The following FGGY variants were observed in gnomAD, a reference collection of about 807,000 sequenced individuals.
FGGY encodes the protein FGGY carbohydrate kinase domain-containing protein.
A neutral mutation model predicts 71.3 loss-of-function variants in FGGY; 72 were observed. The observed-to-expected ratio is 1.01, with a 90% confidence interval of 0.84 to 1.23. The LOEUF (loss-of-function observed/expected upper bound fraction) is 1.23, where lower values mean the gene tolerates loss of function less well. FGGY is among the 50% of genes most tolerant of loss of function. The pLI, the probability that FGGY is intolerant of heterozygous loss-of-function variation, is 0.00. For missense variants in FGGY, 668 were observed against 682.3 expected, an observed-to-expected ratio of 0.98 and a Z score of 0.23; for synonymous variants, 251 against 250.3, an observed-to-expected ratio of 1.00 and a Z score of -0.02.
chr1:59,759,526 T>C (rs1312812517), intron 15 of FGGY, among the ~76,000 whole-genome samples: 1 of 152,216 alleles, frequency 6.6e-6, no homozygotes, highest in Non-Finnish European at 1.5e-5. Flanking sequence ...GGGAAGTTTT[T>C]AAGTTTTTTC....
intron 1 of FGGY, among the ~76,000 whole-genome samples, chr1:59,303,273 C>T (rs564903448): frequency 3.7e-4 from 56 of 152,234 alleles, no homozygotes; most frequent in African/African-American, 1.3e-3. Flanking sequence ...TCCCCATTTC[C>T]TCAATCCCTG....
chr1:59,708,447 C>G (rs1027945295), intron 14 of FGGY, among the ~76,000 whole-genome samples: 2 of 152,142 alleles, frequency 1.3e-5, no homozygotes, highest in Non-Finnish European at 2.9e-5. Context: ...GGCTCGGCCC[C>G]TATTAAGTGG....
At chr1:59,705,915 A>G (rs944730200) in intron 14 of FGGY, among the ~76,000 whole-genome samples, 7 of 152,202 alleles carry the variant, frequency 4.6e-5, no homozygotes, top group Non-Finnish European at 8.8e-5. Context: ...TTGTAGCCAA[A>G]TGGTGGAGGC....
intron 3 of FGGY, among the ~76,000 whole-genome samples, chr1:59,341,672 G>C (rs2050731189): frequency 6.6e-6 from 1 of 152,190 alleles, no homozygotes; most frequent in Non-Finnish European, 1.5e-5. Flanking sequence ...CCAGGACAGG[G>C]CAGCCTTGTT....
At chr1:59,590,583 A>C (rs2096411489) in intron 8 of FGGY, among the ~76,000 whole-genome samples, 1 of 152,180 alleles carries the variant, frequency 6.6e-6, no homozygotes, top group South Asian at 2.1e-4. Context: ...CAAAAAGCTT[A>C]TCCACCATGA....
In FGGY at chr1:59,527,261, T is replaced by A. The variant is rs868126873; in HGVS notation, c.799+14822T>A. 3.9e-5 allele frequency among the ~76,000 whole-genome samples: 6 copies of A among 152,348 alleles called. 1 individual carries two copies. The South Asian group carries it at 1.2e-3, about 32-fold the overall frequency. ...AGTGAAATTAAGCAGATATTTATTT[T>A]GTCAGGCTCTGGGGAGGATTCCGAA... On this transcript the variant is annotated intron_variant, in intron 7 of 15. Coordinates refer to ENST00000303721, the MANE Select transcript of FGGY (RefSeq NM_018291.5).
intron 6 of FGGY, among the ~76,000 whole-genome samples, chr1:59,461,400 T>G (rs1273883775): frequency 6.6e-6 from 1 of 152,148 alleles, no homozygotes; most frequent in Non-Finnish European, 1.5e-5. Context: ...GAATGAAGCC[T>G]CCAAGAAATG....
intron 8 of FGGY, among the ~76,000 whole-genome samples, chr1:59,589,264 C>G (rs529107899): frequency 2.0e-5 from 3 of 152,314 alleles, no homozygotes; most frequent in Admixed American, 2.0e-4. Flanking sequence ...GCACCCAATA[C>G]AGGAGCACGC....
chr1:59,638,087 G>C, intron 10 of FGGY, 141 bp from the exon 11 acceptor site: 1 of 756,466 alleles, frequency 1.3e-6, no homozygotes, highest in Non-Finnish European at 2.2e-6. Context: ...TGATTTGAGA[G>C]TACAGTGGGC....
rs544487601 is a variant in FGGY at position 59,605,256 on chromosome 1, C to T, written c.904-2547C>T. Among the ~76,000 whole-genome samples, 4 of 152,242 alleles carry T rather than the reference C, an allele frequency of 2.6e-5. No individual in the cohort carries two copies. The East Asian group carries it at 5.8e-4, about 22-fold the overall frequency. ...GGTAATTACATATTTGTGTAATGAT[C>T]TGATTAATATTTTTCTTAAGGTAGC... On this transcript the variant is annotated intron_variant, in intron 8 of 15. Coordinates refer to ENST00000303721, the MANE Select transcript of FGGY (RefSeq NM_018291.5).
At chr1:59,581,261 A>G (rs1465820128) in intron 8 of FGGY, among the ~76,000 whole-genome samples, 1 of 149,996 alleles carries the variant, frequency 6.7e-6, no homozygotes, top group East Asian at 1.9e-4. Flanking sequence ...TCCTATTTTT[A>G]TTCCCTGAGA....
rs193018564 is a variant in FGGY, at chr1:59,465,668, C to A, written c.670+8592C>A. 7.2e-5 allele frequency among the ~76,000 whole-genome samples: 11 copies of A among 152,310 alleles called. No homozygotes were observed. In the East Asian group the frequency reaches 2.1e-3, roughly 29 times the overall value. ...GCAACTTCAGCAAAGTCTCAGGATA[C>A]AAAGTCAATGTGCAAAAATCACAAG... On this transcript the variant is annotated intron_variant, in intron 6 of 15. Transcript: ENST00000303721.
At chr1:59,453,117 T>C (rs532294358) in intron 5 of FGGY, among the ~76,000 whole-genome samples, 2 of 152,238 alleles carry the variant, frequency 1.3e-5, no homozygotes, top group African/African-American at 4.8e-5. Context: ...GTGGCTTCAA[T>C]TGTACTCACT....
intron 9 of FGGY, among the ~76,000 whole-genome samples, chr1:59,620,402 T>A (rs1180388556): frequency 6.6e-6 from 1 of 151,918 alleles, no homozygotes; most frequent in Non-Finnish European, 1.5e-5. Context: ...CGTGGCACTT[T>A]TCCTCTCCTG....
At chr1:59,565,495 A>C (rs1471814974) in intron 8 of FGGY, among the ~76,000 whole-genome samples, 2 of 152,324 alleles carry the variant, frequency 1.3e-5, no homozygotes, top group East Asian at 3.9e-4. Flanking sequence ...CGCGTTAGCC[A>C]GGATGGTCTC....
At chr1:59,721,020 T>C (rs2097887435) in intron 14 of FGGY, among the ~76,000 whole-genome samples, 1 of 152,152 alleles carries the variant, frequency 6.6e-6, no homozygotes, top group Non-Finnish European at 1.5e-5. Flanking sequence ...CATCTTTCCG[T>C]TGATTTTTTC....
rs115444642 is a variant in FGGY at position 59,627,231 on chromosome 1, C to T, written c.1073+1182C>T. Among the ~76,000 whole-genome samples the T allele has an allele frequency of 7.6e-3, 1,149 of 151,792 alleles. 18 individuals carry two copies. Among genetic ancestry groups the T allele is most frequent in the African/African-American group, 0.026 (1,096 of 41,434 alleles). ...GGGAAAGAATATTTTGACTATATGC[C>T]ATATGGCTAAAGAGAAAAATAACCA... On this transcript the variant is annotated intron_variant, in intron 10 of 15. Transcript: ENST00000303721.
chr1:59,339,977 A>G lies in FGGY; in HGVS notation c.221A>G (p.Asp74Gly), dbSNP rs1230973094. 1 of 1,612,716 alleles carries G rather than the reference A, an allele frequency of 6.2e-7. No individual in the cohort carries two copies. The highest frequency in any genetic ancestry group is 8.5e-7 in the Non-Finnish European group (1 of 1,179,134). The stretch of plus-strand genomic sequence containing the variant: ...AAACAGAAAGTTGTACAAGGGATTG[A>G]TTTAAACCAAATTCGAGGACTTGGG... ...VVTKKVVQGI[D>G]LNQIRGLGFD... The change falls in exon 3 of 16, where the codon GAT becomes GGT. Residue 74 changes from aspartate (D) to glycine (G), a missense_variant. Asp to Gly is a moderately conservative substitution (Grantham distance 94, BLOSUM62 -1). Transcript: ENST00000303721.
chr1:59,677,510 A>G (rs1432642946), intron 14 of FGGY, among the ~76,000 whole-genome samples: 1 of 152,188 alleles, frequency 6.6e-6, no homozygotes, highest in Non-Finnish European at 1.5e-5. Flanking sequence ...GAGGACCCAG[A>G]CAGTAGAGGT....
Sources: allele counts gnomAD v4.1 joint callset (sites outside exome capture counted in the v4.1 genomes callset), GRCh38; gene constraint gnomAD v4.1.1; transcripts MANE v1.5; gene names NCBI Gene and HGNC (gene_info 2026-07-23, HGNC 2026-07-21).